Variants in TEP1 observed in about 807,000 individuals in gnomAD.
The protein encoded by TEP1 is telomerase protein component 1.
TEP1 carries 241 observed loss-of-function variants against 306.3 expected under a neutral mutation model. That is an observed-to-expected ratio of 0.79 (90% CI 0.71 to 0.88). The LOEUF is 0.88. TEP1 is among the 40% of genes least tolerant of loss of function. TEP1 has a pLI of 0.00. For missense variants in TEP1, 3,051 were observed against 3,276.1 expected (o/e 0.93, Z 1.68); for synonymous variants, 1,289 against 1,305.5 (o/e 0.99, Z 0.27).
At chr14:20,387,729 C>T (rs111645233) in intron 18 of TEP1, among the ~76,000 whole-genome samples, 176 bp downstream of exon 18, 5,896 of 152,262 alleles carry the variant, frequency 0.039, 153 homozygotes, top group South Asian at 0.088. Flanking sequence ...AAAGGAAGGG[C>T]TTGCTCACAA....
intron 1 of TEP1, among the ~76,000 whole-genome samples, chr14:20,411,163 C>T (rs985258663): frequency 6.6e-6 from 1 of 152,168 alleles, no homozygotes. Flanking sequence ...AAGGTAAGGG[C>T]TCCTTTGTCT....
Position 20,391,774 on chromosome 14 carries a change from G to T in TEP1, c.1929-7C>A, listed in dbSNP as rs1416492564. 22 of 1,613,294 alleles carry T rather than the reference G, an allele frequency of 1.4e-5. No homozygotes were observed. The highest frequency in any genetic ancestry group is 1.9e-5 in the Non-Finnish European group (22 of 1,179,454). On this transcript the variant is annotated splice_region_variant and splice_polypyrimidine_tract_variant and intron_variant, in intron 12 of 54. Coordinates refer to ENST00000262715, the MANE Select transcript of TEP1 (RefSeq NM_007110.5). ...ACCATCATATTTCCACTGTCTACAT[G>T]CAAGAAAGACACAGACACAGGGGCT...
chr14:20,373,461 C>T (rs1398396360), intron 46 of TEP1, 46 bp downstream of exon 46: 2 of 1,613,898 alleles, frequency 1.2e-6, no homozygotes, highest in Non-Finnish European at 1.7e-6. Context: ...GGTTATTCCG[C>T]ATACCTTCCC....
chr14:20,399,793 A>G (rs577824299), intron 9 of TEP1, among the ~76,000 whole-genome samples: 35 of 152,214 alleles, frequency 2.3e-4, no homozygotes, highest in Non-Finnish European at 4.4e-4. Context: ...AAAAGAATAA[A>G]TTTACATGTC....
chr14:20,393,965 T>C (rs1188375941), intron 12 of TEP1, among the ~76,000 whole-genome samples: 1 of 152,052 alleles, frequency 6.6e-6, no homozygotes, highest in Non-Finnish European at 1.5e-5. Context: ...TGTGTGCCTA[T>C]AATCCCAGCT....
intron 1 of TEP1, among the ~76,000 whole-genome samples, chr14:20,409,155 T>C (rs1879436247): frequency 6.6e-6 from 1 of 152,226 alleles, no homozygotes; most frequent in South Asian, 2.1e-4. Context: ...CATAAATAAA[T>C]ATATCTTGGC....
rs577256556 is a variant in TEP1, at chr14:20,398,967, C to T, written c.1549+2017G>A. 2.0e-5 allele frequency among the ~76,000 whole-genome samples: 3 copies of T among 151,984 alleles called. No individual in the cohort carries two copies. The South Asian group carries it at 6.2e-4, about 31-fold the overall frequency. On this transcript the variant is annotated intron_variant, in intron 9 of 54. Coordinates refer to ENST00000262715, the MANE Select transcript of TEP1 (RefSeq NM_007110.5). ...CACTCAGTGGCACAATCTTGGCTCG[C>T]TGCAACCTCCACTTTCCAGGCTCAA...
Position 20,373,353 on chromosome 14 carries a change from G to C in TEP1, c.6731C>G (p.Ala2244Gly), listed in dbSNP as rs1445321663. The stretch of plus-strand genomic sequence containing the variant: ...GAGGCCTGAGGTTTCTGAAACAGCA[G>C]CAGCACGGACTGGGCCGCTGTGTCC... ...LLGHSGPVRAAAVSETSGLML... is the reference protein window; with the variant it reads ...LLGHSGPVRAGAVSETSGLML... The change falls in exon 47 of 55, where the codon GCT (alanine) becomes GGT (glycine). Residue 2244 changes from alanine to glycine, a missense_variant. Ala to Gly is a moderately conservative substitution (Grantham distance 60). Around this residue, in one of 3 missense-constraint regions of TEP1, gnomAD observed 1,540 missense variants for 1,705.9 expected, o/e 0.90. Transcript: ENST00000262715. The C allele has an allele frequency of 4.3e-6, 7 of 1,614,192 alleles. No homozygotes were observed. Among genetic ancestry groups the C allele is most frequent in the Non-Finnish European group, 5.9e-6 (7 of 1,180,042 alleles).
chr14:20,403,747 G>C lies in TEP1; in HGVS notation c.1170C>G (p.His390Gln), dbSNP rs575853436. The change falls in exon 6 of 55, where the codon CAC becomes CAG. Residue 390 changes from histidine to glutamine, a missense_variant. This residue lies in a region of TEP1 where 1,507 missense variants were observed against 1,550.5 expected (regional missense o/e 0.97). Transcript: ENST00000262715. ...YNPRKHRAKR[H>Q]PRRPPRSPGM... ...CTGGAGAGCGGGGTGGCCGGCGGGG[G>C]TGTCTCTTGGCCCGGTGCTTCCGAG... 6.2e-7 allele frequency: 1 copy of C among 1,614,006 alleles called. No individual in the cohort carries two copies. Among genetic ancestry groups the C allele is most frequent in the African/African-American group, 1.3e-5 (1 of 75,038 alleles).
chr14:20,372,973 A>G, intron 48 of TEP1, 38 bp downstream of exon 48: 1 of 1,614,006 alleles, frequency 6.2e-7, no homozygotes, highest in Non-Finnish European at 8.5e-7. Context: ...CCAGGGTAGA[A>G]TTCACACAGA....
At chr14:20,388,932 A>G (rs552164162) in intron 17 of TEP1, among the ~76,000 whole-genome samples, 174 of 152,232 alleles carry the variant, frequency 1.1e-3, no homozygotes, top group Non-Finnish European at 2.3e-3. Flanking sequence ...GGTGGATCAC[A>G]AGGTCAGGAG....
intron 7 of TEP1, 75 bp downstream of exon 7, chr14:20,403,302 T>C: frequency 1.3e-6 from 2 of 1,559,050 alleles, no homozygotes; most frequent in Non-Finnish European, 1.7e-6. Flanking sequence ...TCAACCCTAA[T>C]AGAATTTTGT....
intron 1 of TEP1, among the ~76,000 whole-genome samples, chr14:20,409,737 C>A (rs968675555): frequency 1.3e-5 from 2 of 151,950 alleles, no homozygotes; most frequent in Non-Finnish European, 2.9e-5. Context: ...AAGAAAAATG[C>A]TGGCCGGGCG....
chr14:20,382,244 G>T lies in TEP1; in HGVS notation c.4253C>A (p.Ala1418Asp). Residue 1418 changes from alanine (A) to aspartate (D), a missense_variant, in exon 29 of 55, where the codon GCC (alanine) becomes GAC (aspartate). Physicochemically the swap from Ala to Asp is moderately radical, Grantham distance 126. Coordinates refer to ENST00000262715, the MANE Select transcript of TEP1 (RefSeq NM_007110.5). ...GPDVLPQALT[A>D]LEVTRSGLTV... ...CTGACCACTCCGTGTGACTTCTAGG[G>T]CAGTCAAGGCCTGGGGAAGGACATC... The T allele has an allele frequency of 6.2e-7, 1 of 1,614,154 alleles. No homozygotes were observed. Among genetic ancestry groups the T allele is most frequent in the Non-Finnish European group, 8.5e-7 (1 of 1,180,028 alleles).
chr14:20,385,274 A>AT (rs1216646828), intron 20 of TEP1, among the ~76,000 whole-genome samples, 165 bp from the exon 21 acceptor site: 3 of 151,146 alleles, frequency 2.0e-5, no homozygotes, highest in Non-Finnish European at 4.4e-5. Context: ...ATTTATTTTT[A>AT]TTTTTTTTTC....
chr14:20,373,433 A>G lies in TEP1; in HGVS notation c.6682-31T>C, dbSNP rs765835235. The G allele has an allele frequency of 1.3e-5, 21 of 1,613,940 alleles. No individual in the cohort carries two copies. The East Asian group carries it at 4.5e-4, about 34-fold the overall frequency. On this transcript the variant is annotated intron_variant, in intron 46 of 54. Transcript: ENST00000262715. The stretch of plus-strand genomic sequence containing the variant: ...AGGAAGGGATGGAGATGGGCTCATG[A>G]GAGTGGGCACAACAGAAGGTTATTC...
At position 20,384,112 on chromosome 14, in the gene TEP1, G is replaced by A. The variant is rs1198143554; in HGVS notation, c.3460C>T (p.Gln1154Ter). ...ARPRLLQDTV[Q>*]RLMLPHGRLS... ...CTTCCGTGGGGCAGCATCAGCCGTT[G>A]CACTGTGTCCTGAAGAAGGCGTGGC... Residue 1154 changes from glutamine (Q) to a stop codon, truncating the protein, a stop_gained, in exon 24 of 55, where the codon CAA (glutamine) becomes TAA (stop). Coordinates refer to ENST00000262715, the MANE Select transcript of TEP1 (RefSeq NM_007110.5). LOFTEE classifies it high-confidence loss of function. The A allele has an allele frequency of 1.2e-6, 2 of 1,614,056 alleles. No individual in the cohort carries two copies. The highest frequency in any genetic ancestry group is 2.2e-5 in the South Asian group (2 of 91,078).
Position 20,384,700 on chromosome 14 carries a change from C to T in TEP1, c.3121G>A (p.Ala1041Thr), listed in dbSNP as rs1876966580. Residue 1041 changes from alanine to threonine, a missense_variant, in exon 22 of 55, where the codon GCC (alanine) becomes ACC (threonine). Around this residue, in one of 3 missense-constraint regions of TEP1, gnomAD observed 1,507 missense variants for 1,550.5 expected, o/e 0.97. Coordinates refer to ENST00000262715, the MANE Select transcript of TEP1 (RefSeq NM_007110.5). Reference protein sequence around the residue: ...DSSFLSSVPDAWKSDFVSESE... With the variant: ...DSSFLSSVPDTWKSDFVSESE... ...TCAGAAACAAAGTCAGATTTCCAGG[C>T]ATCTGGCACAGAGCTGACCACCAAA... 1 of 1,611,318 alleles carries T rather than the reference C, an allele frequency of 6.2e-7. No homozygotes were observed. The highest frequency in any genetic ancestry group is 1.3e-5 in the African/African-American group (1 of 75,042).
rs765786802 is a variant in TEP1 at position 20,408,253 on chromosome 14, T to C, written c.187A>G (p.Lys63Glu). 7.4e-6 allele frequency: 12 copies of C among 1,613,510 alleles called. No homozygotes were observed. Among genetic ancestry groups the C allele is most frequent in the Middle Eastern group, 1.6e-4 (1 of 6,084 alleles). Residue 63 changes from lysine (K) to glutamate (E), a missense_variant, in exon 2 of 55, where the codon AAA becomes GAA. Physicochemically the swap from Lys to Glu is moderately conservative, Grantham distance 56. Around this residue, in one of 3 missense-constraint regions of TEP1, gnomAD observed 1,507 missense variants for 1,550.5 expected, o/e 0.97. Coordinates refer to ENST00000262715, the MANE Select transcript of TEP1 (RefSeq NM_007110.5). ...TGGGCAGACACATATCCATGTGGTT[T>C]TTCCATGGTCTTCAGGTCAGGAAGC... ...ATLPDLKTME[K>E]PHGYVSAHPD...
Sources: allele counts gnomAD v4.1 joint callset (sites outside exome capture counted in the v4.1 genomes callset), GRCh38; gene constraint gnomAD v4.1.1; regional missense constraint gnomAD v4.1.1; transcripts MANE v1.5; gene names NCBI Gene and HGNC (gene_info 2026-07-23, HGNC 2026-07-21).